Variants in SKI observed in about 807,000 individuals in gnomAD.
SKI encodes SKI proto-oncogene, also known as ski oncogene.
In SKI, 23 loss-of-function variants were observed where a neutral mutation model predicts 59.3. The observed-to-expected ratio is 0.39, with a 90% CI of 0.28 to 0.55. The LOEUF is 0.55. SKI is among the 20% of genes least tolerant of loss of function. The pLI, the probability that SKI is intolerant of heterozygous loss-of-function variation, is 0.67. For synonymous variants in SKI, 673 were observed against 488.6 expected (o/e 1.38, Z -4.98); for missense variants, 1,017 against 1,038.9 (o/e 0.98, Z 0.29).
At chr1:2,283,305 A>G (rs1364338923) in intron 1 of SKI, among the ~76,000 whole-genome samples, 1 of 151,862 alleles carries the variant, frequency 6.6e-6, no homozygotes. Flanking sequence ...TTGCTGGCCC[A>G]GGGCCTGTCC....
chr1:2,230,985 T>TTG (rs1383940427), intron 1 of SKI, among the ~76,000 whole-genome samples: 2 of 151,964 alleles, frequency 1.3e-5, no homozygotes, highest in African/African-American at 4.8e-5. Context: ...ATGTGTGTGT[T>TTG]TGTGTGTGCG....
chr1:2,305,778 G>T (rs916366313), intron 5 of SKI, among the ~76,000 whole-genome samples: 14 of 152,356 alleles, frequency 9.2e-5, no homozygotes, highest in African/African-American at 3.1e-4. Context: ...TCAAGTGACT[G>T]ACTCAGGCCC....
At position 2,229,490 on chromosome 1, in the gene SKI, G is replaced by T. The variant is rs1385748033; in HGVS notation, c.724G>T (p.Ala242Ser). Residue 242 changes from alanine to serine, a missense_variant, in exon 1 of 7, where the codon GCC becomes TCC. By Grantham distance (99) the Ala-to-Ser change is moderately conservative. Transcript: ENST00000378536. The surrounding 1 kb of genome is among the most constrained non-coding windows in gnomAD (Gnocchi z 6.3). Reference sequence around the variant, plus strand: ...GCCCGAGCTCTACAGCAGCCCGAGCGCCGCCTGCATCCAGTGCCTGGACTG... The same window carrying T: ...GCCCGAGCTCTACAGCAGCCCGAGCTCCGCCTGCATCCAGTGCCTGGACTG... ...LVPELYSSPS[A>S]ACIQCLDCRL... 2 of 1,611,624 alleles carry T rather than the reference G, an allele frequency of 1.2e-6. No individual in the cohort carries two copies.
rs1569775656 is a variant in SKI, at chr1:2,271,094, A to G, written c.970-31884A>G. 2.6e-5 allele frequency among the ~76,000 whole-genome samples: 4 copies of G among 152,256 alleles called. No individual in the cohort carries two copies. In the South Asian group the frequency reaches 8.3e-4, roughly 32 times the overall value. On this transcript the variant is annotated intron_variant, in intron 1 of 6. Coordinates refer to ENST00000378536, the MANE Select transcript of SKI (RefSeq NM_003036.4). ...ATGCGCGACTTGGGCCCACCCCAGA[A>G]CTTGGGGTTTCCTGATGGGTGTTGG...
At position 2,306,631 on chromosome 1, in the gene SKI, C is replaced by T; in HGVS notation, c.2053C>T (p.Arg685Trp). 1 of 1,544,708 alleles carries T rather than the reference C, an allele frequency of 6.5e-7. No individual in the cohort carries two copies. Among genetic ancestry groups the T allele is most frequent in the Non-Finnish European group, 8.7e-7 (1 of 1,145,364 alleles). Residue 685 changes from arginine (R) to tryptophan (W), a missense_variant, in exon 7 of 7, where the codon CGG becomes TGG. Arg to Trp is a moderately radical substitution (Grantham distance 101). Transcript: ENST00000378536. ...CGCGGAGGCGGACCGGGAGCAGCTGCGGGCCGACCTGCTGCGGGAGCGCGA... is the reference window on the plus strand; with the variant it reads ...CGCGGAGGCGGACCGGGAGCAGCTGTGGGCCGACCTGCTGCGGGAGCGCGA... ...QHAEADREQL[R>W]ADLLREREAR... is the part of the protein sequence containing the mutation.
intron 6 of SKI, 72 bp downstream of exon 6, chr1:2,306,322 C>T (rs1351251865): frequency 1.5e-6 from 2 of 1,369,874 alleles, no homozygotes; most frequent in Non-Finnish European, 9.8e-7. Context: ...GTGGCCAGTC[C>T]TGCCCAGCCG....
rs781304969 is a variant in SKI, at chr1:2,304,298, T to A, written c.1480T>A (p.Ser494Thr). The change falls in exon 5 of 7, where the codon TCC becomes ACC. Residue 494 changes from serine (S) to threonine (T), a missense_variant. Ser to Thr is a moderately conservative substitution (Grantham distance 58, BLOSUM62 1). Transcript: ENST00000378536. The part of the protein sequence containing the change: ...VEVESREEFT[S>T]SLSSLSSPSF... ...TGTCTCTGCTTCCTCCTCAGTCACC[T>A]CCTCCTTGTCCTCGCTCTCTTCCCC... is the stretch of plus-strand genomic sequence containing the variant. 25 of 1,551,522 alleles carry A rather than the reference T, an allele frequency of 1.6e-5. No homozygotes were observed. Among genetic ancestry groups the A allele is most frequent in the East Asian group, 2.4e-5 (1 of 40,912 alleles).
At chr1:2,260,422 G>A (rs1437254278) in intron 1 of SKI, among the ~76,000 whole-genome samples, 1 of 151,858 alleles carries the variant, frequency 6.6e-6, no homozygotes, top group East Asian at 1.9e-4. Context: ...TTTCACATTT[G>A]CGCCTTACGT....
intron 1 of SKI, among the ~76,000 whole-genome samples, chr1:2,235,999 A>T (rs1019864024): frequency 6.6e-6 from 1 of 152,186 alleles, no homozygotes; most frequent in Admixed American, 6.5e-5. Flanking sequence ...AACGGCCGAG[A>T]TTCTGTTCGG....
At position 2,308,194 on chromosome 1, in the gene SKI, G is replaced by T. The variant is rs1005885974; in HGVS notation, c.*1429G>T. ...TTACAGGAGTTCTTTGCTTGAATCC[G>T]TTCTAACACCCGCGGCAGCTGCACG... On this transcript the variant is annotated 3_prime_UTR_variant, in exon 7 of 7. Transcript: ENST00000378536. 1 of 152,170 alleles carries T rather than the reference G, an allele frequency of 6.6e-6. No individual in the cohort carries two copies. Among genetic ancestry groups the T allele is most frequent in the African/African-American group, 2.4e-5 (1 of 41,422 alleles). The allele number at this position is 152,170 out of a possible 1,614,324, so 9.4% of individuals were successfully genotyped here.
At position 2,306,993 on chromosome 1, in the gene SKI, G is replaced by A. The variant is rs1040768975; in HGVS notation, c.*228G>A. 1.3e-5 allele frequency: 4 copies of A among 314,156 alleles called. No homozygotes were observed. The highest frequency in any genetic ancestry group is 5.2e-5 in the Admixed American group (1 of 19,266). 19.5% of individuals were successfully genotyped at this position (314,156 alleles called of 1,614,324 possible). A position where few individuals can be genotyped will look rare whatever the true frequency, so the allele number is the denominator to read the frequency against. On this transcript the variant is annotated 3_prime_UTR_variant, in exon 7 of 7. Coordinates refer to ENST00000378536, the MANE Select transcript of SKI (RefSeq NM_003036.4). ...GCGTCCCCCAACTACAGCTGGAGAC[G>A]GGGCCAGCTCGGCGGCCTGCTGGTC...
chr1:2,273,501 C>T (rs779827783), intron 1 of SKI, among the ~76,000 whole-genome samples: 2 of 152,114 alleles, frequency 1.3e-5, no homozygotes, highest in Non-Finnish European at 2.9e-5. Flanking sequence ...GTGATGGAAA[C>T]GGGAGGGCCT....
At chr1:2,233,676 C>T (rs552703037) in intron 1 of SKI, among the ~76,000 whole-genome samples, 1 of 152,272 alleles carries the variant, frequency 6.6e-6, no homozygotes, top group Admixed American at 6.5e-5. Flanking sequence ...CAGGCAGGTG[C>T]CCAGCCAGGT....
chr1:2,300,213 G>A (rs1429014983), intron 1 of SKI, among the ~76,000 whole-genome samples: 1 of 152,254 alleles, frequency 6.6e-6, no homozygotes, highest in Admixed American at 6.5e-5. Flanking sequence ...AAGTGGCCGC[G>A]GGGCAGCGCG....
intron 1 of SKI, among the ~76,000 whole-genome samples, chr1:2,241,617 TCTC>T (rs375725506): frequency 0.015 from 2,207 of 152,196 alleles, 46 homozygotes; most frequent in African/African-American, 0.051. Flanking sequence ...ATGGTCTCGA[TCTC>T]CTGACCTCGC....
rs1450851283 is a variant in SKI at position 2,308,709 on chromosome 1, C to G, written c.*1944C>G. On this transcript the variant is annotated 3_prime_UTR_variant, in exon 7 of 7. Transcript: ENST00000378536. ...GTGTGGCTGTCCTGTGTCGCCAGGTCGAAGATCACAGTGAGGTAGAGGCCC... is the reference window on the plus strand; with the variant it reads ...GTGTGGCTGTCCTGTGTCGCCAGGTGGAAGATCACAGTGAGGTAGAGGCCC... The G allele has an allele frequency of 6.6e-6, 1 of 151,986 alleles. No homozygotes were observed. Among genetic ancestry groups the G allele is most frequent in the African/African-American group, 2.4e-5 (1 of 41,352 alleles). 9.4% of individuals were successfully genotyped at this position (151,986 alleles called of 1,614,324 possible).
chr1:2,231,631 C>G (rs760261405), intron 1 of SKI, among the ~76,000 whole-genome samples: 2 of 152,230 alleles, frequency 1.3e-5, no homozygotes, highest in Non-Finnish European at 2.9e-5. Flanking sequence ...TCTGAAATTT[C>G]ATTTACCGAT....
At chr1:2,247,095 C>T (rs1323788783) in intron 1 of SKI, among the ~76,000 whole-genome samples, 2 of 152,148 alleles carry the variant, frequency 1.3e-5, no homozygotes, top group African/African-American at 2.4e-5. Flanking sequence ...GTGGCATGCA[C>T]CTGGTCCCAG....
At chr1:2,305,598 G>A (rs925016830) in intron 5 of SKI, among the ~76,000 whole-genome samples, 1 of 152,222 alleles carries the variant, frequency 6.6e-6, no homozygotes, top group African/African-American at 2.4e-5. Context: ...GCTTGCGGAG[G>A]CGCCGGGCGG....
Sources: allele counts gnomAD v4.1 joint callset (sites outside exome capture counted in the v4.1 genomes callset), GRCh38; gene constraint gnomAD v4.1.1; non-coding constraint Gnocchi (gnomAD v3.1); transcripts MANE v1.5; gene names NCBI Gene and HGNC (gene_info 2026-07-23, HGNC 2026-07-21).